Variants in FAM135B observed in about 807,000 individuals in gnomAD.
FAM135B encodes the protein family with sequence similarity 135 member B.
In FAM135B, 43 loss-of-function variants were observed where a neutral mutation model predicts 127.7. The ratio of observed to expected loss-of-function variants is 0.34; its 90% CI spans 0.26 to 0.43. FAM135B has a LOEUF of 0.43. FAM135B is among the 20% of genes least tolerant of loss of function. The pLI is 1.00. For synonymous variants in FAM135B, 670 were observed against 665.1 expected (o/e 1.01, Z -0.11); for missense variants, 1,558 against 1,725.6 (o/e 0.90, Z 1.72).
chr8:138,142,596 G>A (rs932925768), intron 16 of FAM135B, among the ~76,000 whole-genome samples: 4 of 152,110 alleles, frequency 2.6e-5, no homozygotes, highest in East Asian at 1.9e-4. Flanking sequence ...GAGCCACCGC[G>A]CCCGGCCTTT....
At chr8:138,139,270 G>A (rs189582889) in intron 17 of FAM135B, among the ~76,000 whole-genome samples, 174 bp from the exon 18 acceptor site, 54 of 152,192 alleles carry the variant, frequency 3.5e-4, no homozygotes, top group Non-Finnish European at 5.6e-4. Context: ...GTCCTCTCAC[G>A]TACTGGTGGA....
At chr8:138,320,200 T>C (rs1827358269) in intron 2 of FAM135B, among the ~76,000 whole-genome samples, 1 of 152,210 alleles carries the variant, frequency 6.6e-6, no homozygotes, top group African/African-American at 2.4e-5. Context: ...ATTATAGCAG[T>C]AATTGTAAAC....
chr8:138,186,689 C>A (rs532225006), intron 9 of FAM135B, among the ~76,000 whole-genome samples: 1 of 152,216 alleles, frequency 6.6e-6, no homozygotes, highest in Non-Finnish European at 1.5e-5. Flanking sequence ...TAAAGTAAAG[C>A]CTGTGGCAAT....
rs58164495 is a variant in FAM135B at position 138,181,082 on chromosome 8, T to TAA, written c.874-2394_874-2393dup. ...GGTAAAACCCTGTCTCTACTAAAAA[T>TAA]AAAAAAAAAATAGCCGGGCATGGTG... On this transcript the variant is annotated intron_variant, in intron 9 of 19. Transcript: ENST00000395297. 5.7e-3 allele frequency among the ~76,000 whole-genome samples: 824 copies of TAA among 145,740 alleles called. 9 individuals carry two copies. Among genetic ancestry groups the TAA allele is most frequent in the South Asian group, 0.031 (141 of 4,540 alleles).
intron 3 of FAM135B, among the ~76,000 whole-genome samples, chr8:138,284,434 C>T (rs1239453849): frequency 1.3e-5 from 2 of 152,038 alleles, no homozygotes; most frequent in South Asian, 2.1e-4. Context: ...GCTCCCGGCC[C>T]GAAGCCCTTC....
chr8:138,200,213 A>G (rs1405469734), intron 7 of FAM135B, among the ~76,000 whole-genome samples: 3 of 152,338 alleles, frequency 2.0e-5, no homozygotes, highest in South Asian at 4.1e-4. Flanking sequence ...ATTTGAACTT[A>G]AGACATTCAG....
chr8:138,357,996 T>C (rs868353790), intron 2 of FAM135B, among the ~76,000 whole-genome samples: 1 of 152,128 alleles, frequency 6.6e-6, no homozygotes, highest in Non-Finnish European at 1.5e-5. Flanking sequence ...AACTCACAGC[T>C]CCACATGGCT....
chr8:138,364,617 C>T (rs1421665570), intron 2 of FAM135B, among the ~76,000 whole-genome samples: 1 of 152,158 alleles, frequency 6.6e-6, no homozygotes. Flanking sequence ...TATTCCTAAT[C>T]TTCTGGGCGA....
intron 1 of FAM135B, among the ~76,000 whole-genome samples, chr8:138,419,118 C>A (rs1460368959): frequency 6.6e-6 from 1 of 152,132 alleles, no homozygotes; most frequent in East Asian, 1.9e-4. Flanking sequence ...ACCCATCTCA[C>A]ATGCAATGAC....
intron 7 of FAM135B, among the ~76,000 whole-genome samples, chr8:138,203,007 G>C (rs78228586): frequency 0.014 from 2,166 of 152,272 alleles, 52 homozygotes; most frequent in African/African-American, 0.047. Flanking sequence ...TTCCTAATGA[G>C]GAAAGTCAGG....
At chr8:138,355,978 T>C (rs1200070622) in intron 2 of FAM135B, among the ~76,000 whole-genome samples, 1 of 152,130 alleles carries the variant, frequency 6.6e-6, no homozygotes. Context: ...AGTGGATGAG[T>C]GACTTATAAA....
intron 1 of FAM135B, among the ~76,000 whole-genome samples, chr8:138,420,993 G>A (rs1834468697): frequency 6.6e-6 from 1 of 152,148 alleles, no homozygotes; most frequent in Non-Finnish European, 1.5e-5. Flanking sequence ...GTACTAGCCA[G>A]AGCAATAAGG....
chr8:138,488,066 T>G (rs1815054468), intron 1 of FAM135B, among the ~76,000 whole-genome samples: 1 of 151,324 alleles, frequency 6.6e-6, no homozygotes, highest in Admixed American at 6.6e-5. Context: ...GGGGAGGTCA[T>G]CCCTAGGGGG....
At chr8:138,484,742 A>G (rs1814920318) in intron 1 of FAM135B, among the ~76,000 whole-genome samples, 1 of 152,172 alleles carries the variant, frequency 6.6e-6, no homozygotes, top group South Asian at 2.1e-4. Flanking sequence ...AGGGGAAAGG[A>G]AGAAAAAAAA....
At chr8:138,291,303 C>T (rs540868357) in intron 3 of FAM135B, among the ~76,000 whole-genome samples, 6 of 152,210 alleles carry the variant, frequency 3.9e-5, no homozygotes, top group South Asian at 2.1e-4. Flanking sequence ...GAAGATATTT[C>T]TAAGGCAAGA....
intron 2 of FAM135B, among the ~76,000 whole-genome samples, chr8:138,340,646 C>T (rs1828984032): frequency 6.6e-6 from 1 of 152,146 alleles, no homozygotes; most frequent in South Asian, 2.1e-4. Flanking sequence ...TGCTGGCCAG[C>T]ATCCCAGCTC....
intron 1 of FAM135B, among the ~76,000 whole-genome samples, chr8:138,422,719 A>C (rs1271070242): frequency 6.6e-6 from 1 of 152,210 alleles, no homozygotes; most frequent in Non-Finnish European, 1.5e-5. Flanking sequence ...AAACAAAAAC[A>C]AAAACAAAAA....
At chr8:138,139,177 A>G in intron 17 of FAM135B, 81 bp from the exon 18 acceptor site, 1 of 804,744 alleles carries the variant, frequency 1.2e-6, no homozygotes, top group Non-Finnish European at 2.0e-6. Flanking sequence ...GGTGAGATGA[A>G]CGTTAAACTG....
At chr8:138,442,267 T>TATATATATATATATATATGC (rs34280434) in intron 1 of FAM135B, among the ~76,000 whole-genome samples, 1 of 86,750 alleles carries the variant, frequency 1.2e-5, no homozygotes, top group African/African-American at 4.5e-5. Flanking sequence ...TATATATATA[T>TATATATATATATATATATGC]ATATATATAT....
Sources: allele counts gnomAD v4.1 joint callset (sites outside exome capture counted in the v4.1 genomes callset), GRCh38; gene constraint gnomAD v4.1.1; transcripts MANE v1.5; gene names NCBI Gene and HGNC (gene_info 2026-07-23, HGNC 2026-07-21).